The following EPC1 variants were observed in gnomAD, a reference collection of about 807,000 sequenced individuals.
EPC1 encodes the protein enhancer of polycomb homolog 1.
A neutral mutation model predicts 98.4 loss-of-function variants in EPC1; 12 were observed. The observed-to-expected ratio is 0.12, with a 90% CI of 0.08 to 0.20. EPC1 has a LOEUF of 0.20. Among genes scored for constraint, EPC1 ranks in the 10% least tolerant of loss-of-function variants. The probability of loss-of-function intolerance (pLI) is 1.00; values close to 1 mark genes in which losing one functional copy is unlikely to be tolerated. For synonymous variants in EPC1, 357 were observed against 363.9 expected, an observed-to-expected ratio of 0.98 and a Z score of 0.21; for missense variants, 729 against 990.5, an observed-to-expected ratio of 0.74 and a Z score of 3.54.
Position 32,292,531 on chromosome 10 carries a change from C to T in EPC1, c.780G>A (p.Glu260=). The change falls in exon 5 of 14, where the codon GAG becomes GAA. Residue 260 remains glutamate, a synonymous_variant. Coordinates refer to ENST00000319778, the MANE Select transcript of EPC1 (RefSeq NM_001272004.3). ...MIKRREKSKR[E]LLHLTLEIME... is the part of the protein sequence containing the mutation. Reference sequence around the variant, plus strand: ...TAATTTCCAGTGTTAAGTGCAATAGCTCTCTTTTACTTTTTTCTCTTCTTT... The same window carrying T: ...TAATTTCCAGTGTTAAGTGCAATAGTTCTCTTTTACTTTTTTCTCTTCTTT... 1.9e-6 allele frequency: 3 copies of T among 1,599,422 alleles called. No homozygotes were observed. The highest frequency in any genetic ancestry group is 2.6e-6 in the Non-Finnish European group (3 of 1,173,382).
At chr10:32,361,375 GCCACC>G (rs1237863660) in intron 1 of EPC1, among the ~76,000 whole-genome samples, 3 of 152,182 alleles carry the variant, frequency 2.0e-5, no homozygotes, top group Admixed American at 6.5e-5. Flanking sequence ...ACCAGAATAT[GCCACC>G]CCCAAAATTT....
At chr10:32,337,269 T>A (rs1211848557) in intron 1 of EPC1, among the ~76,000 whole-genome samples, 2 of 152,234 alleles carry the variant, frequency 1.3e-5, no homozygotes, top group Non-Finnish European at 2.9e-5. Context: ...TGATACGCTG[T>A]GTATTGAGGC....
chr10:32,268,881 GA>G lies in EPC1; in HGVS notation c.*181del. 1.8e-6 allele frequency: 1 copy of G among 558,272 alleles called. No individual in the cohort carries two copies. Among genetic ancestry groups the G allele is most frequent in the Non-Finnish European group, 3.2e-6 (1 of 312,534 alleles). 34.6% of individuals were successfully genotyped at this position (558,272 alleles called of 1,614,324 possible). A position where few individuals can be genotyped will look rare whatever the true frequency, so the allele number is the denominator to read the frequency against. Reference sequence around the variant, plus strand: ...GCTGTATTCTTAATTTACAGATGTTGATTTTTTTCCTATTAACAGTAAGAAA... The same window carrying G: ...GCTGTATTCTTAATTTACAGATGTTGTTTTTTTCCTATTAACAGTAAGAAA... On this transcript the variant is annotated 3_prime_UTR_variant, in exon 14 of 14. Coordinates refer to ENST00000319778, the MANE Select transcript of EPC1 (RefSeq NM_001272004.3).
Position 32,273,286 on chromosome 10 carries a change from AC to A in EPC1, c.1745-6del, listed in dbSNP as rs1386466365. ...GGTATTGTTCGGCTGTAAATGCTGA[AC>A]ATAAAATAAAGAAACACTTTATAAA... On this transcript the variant is annotated splice_region_variant and splice_polypyrimidine_tract_variant and intron_variant, in intron 10 of 13. Transcript: ENST00000319778. 2.5e-6 allele frequency: 4 copies of A among 1,613,510 alleles called. No individual in the cohort carries two copies. The highest frequency in any genetic ancestry group is 2.5e-6 in the Non-Finnish European group (3 of 1,179,626).
intron 1 of EPC1, among the ~76,000 whole-genome samples, chr10:32,352,804 G>C (rs1839152657): frequency 6.6e-6 from 1 of 152,138 alleles, no homozygotes; most frequent in Non-Finnish European, 1.5e-5. Flanking sequence ...TGGGTTTAGA[G>C]AGGTTGTGTG....
At chr10:32,299,774 T>C (rs987362338) in intron 2 of EPC1, among the ~76,000 whole-genome samples, 2 of 152,206 alleles carry the variant, frequency 1.3e-5, no homozygotes, top group Admixed American at 6.5e-5. Flanking sequence ...CAATTTTTTC[T>C]TCTTCTTTGT....
chr10:32,317,735 G>C (rs1836639959), intron 1 of EPC1, among the ~76,000 whole-genome samples: 1 of 152,112 alleles, frequency 6.6e-6, no homozygotes, highest in Non-Finnish European at 1.5e-5. Context: ...TATCTGGCAA[G>C]GAAAAGAGCA....
chr10:32,292,096 T>C (rs1834882778), intron 5 of EPC1: 1 of 152,580 alleles, frequency 6.6e-6, no homozygotes, highest in African/African-American at 2.4e-5. Context: ...GTTTTCATTG[T>C]GTACCTTGCC....
At chr10:32,349,536 A>C (rs1023445893), upstream of EPC1, among the ~76,000 whole-genome samples, 1 of 152,084 alleles carries the variant, frequency 6.6e-6, no homozygotes, top group Admixed American at 6.5e-5. Context: ...GTTCCCAAGG[A>C]CTCAAAGGCT....
intron 1 of EPC1, among the ~76,000 whole-genome samples, chr10:32,338,277 C>G (rs560771379): frequency 4.1e-4 from 62 of 152,144 alleles, no homozygotes; most frequent in African/African-American, 1.3e-3. Context: ...TCAAATCCAC[C>G]AGCAAGTTCT....
In EPC1 at chr10:32,364,015, T is replaced by C. The variant is rs1248703401; in HGVS notation, c.3+14476A>G. Among the ~76,000 whole-genome samples the C allele has an allele frequency of 1.4e-4, 18 of 130,820 alleles. 1 individual carries two copies. The East Asian group carries it at 1.5e-3, about 11-fold the overall frequency. The allele number at this position is 130,820 out of a possible 152,430, so 85.8% of individuals were successfully genotyped here. A position where few individuals can be genotyped will look rare whatever the true frequency, so the allele number is the denominator to read the frequency against. ...CATCATGTTGGCATTTTTTTTTTTTTTTTTTTTTTTTTTTTTTAGATGGAG... is the reference window on the plus strand; with the variant it reads ...CATCATGTTGGCATTTTTTTTTTTTCTTTTTTTTTTTTTTTTTAGATGGAG... On this transcript the variant is annotated intron_variant, in intron 1 of 13. Coordinates refer to the EPC1 transcript ENST00000375110.
chr10:32,371,528 A>T (rs1001914497), intron 1 of EPC1, among the ~76,000 whole-genome samples: 39 of 152,346 alleles, frequency 2.6e-4, no homozygotes, highest in African/African-American at 9.4e-4. Flanking sequence ...GTGCTATTTT[A>T]AAAAGGTAAA....
intron 1 of EPC1, among the ~76,000 whole-genome samples, chr10:32,320,050 G>A (rs1836802706): frequency 6.6e-6 from 1 of 152,184 alleles, no homozygotes; most frequent in African/African-American, 2.4e-5. Flanking sequence ...AAAAACATAT[G>A]TGTGTACATA....
chr10:32,377,691 C>T (rs1839897258), intron 1 of EPC1, among the ~76,000 whole-genome samples: 1 of 152,006 alleles, frequency 6.6e-6, no homozygotes, highest in African/African-American at 2.4e-5. Context: ...CTTGCCCCAC[C>T]TCTTTTTTTT....
At chr10:32,293,793 C>T (rs1310424564) in intron 2 of EPC1, 56 bp from the exon 3 acceptor site, 1 of 1,476,574 alleles carries the variant, frequency 6.8e-7, no homozygotes, top group East Asian at 2.3e-5. Flanking sequence ...GACAAAAACT[C>T]CACAGATGTC....
rs185135188 is a variant in EPC1 at position 32,367,382 on chromosome 10, A to G, written c.3+11109T>C. Among the ~76,000 whole-genome samples the G allele has an allele frequency of 9.2e-3, 1,404 of 152,366 alleles. 18 individuals carry two copies. Among genetic ancestry groups the G allele is most frequent in the African/African-American group, 0.032 (1,341 of 41,590 alleles). On this transcript the variant is annotated intron_variant, in intron 1 of 13. Transcript: ENST00000375110. The stretch of plus-strand genomic sequence containing the variant: ...ACAATAGCTGAAGAAACTTTTAAAA[A>G]GGCTAGTAAGAGATGAATTTCACTA...
At chr10:32,301,733 A>G (rs1835557690) in intron 2 of EPC1, among the ~76,000 whole-genome samples, 2 of 152,232 alleles carry the variant, frequency 1.3e-5, no homozygotes, top group South Asian at 4.1e-4. Flanking sequence ...AAGAGGGAAA[A>G]AAATGAGCTT....
intron 13 of EPC1, 29 bp downstream of exon 13, chr10:32,271,525 A>G: frequency 6.2e-7 from 1 of 1,600,308 alleles, no homozygotes; most frequent in South Asian, 1.1e-5. Context: ...CTCTTATTCC[A>G]GGTATGTTAG....
At chr10:32,356,517 G>C (rs1839281934) in intron 1 of EPC1, among the ~76,000 whole-genome samples, 1 of 152,082 alleles carries the variant, frequency 6.6e-6, no homozygotes, top group Non-Finnish European at 1.5e-5. Context: ...GACAAGCCTG[G>C]AGACAAGCCA....
Sources: allele counts gnomAD v4.1 joint callset (sites outside exome capture counted in the v4.1 genomes callset), GRCh38; gene constraint gnomAD v4.1.1; transcripts MANE v1.5; gene names NCBI Gene and HGNC (gene_info 2026-07-23, HGNC 2026-07-21).